The following SH3RF2 variants were observed in gnomAD, a reference collection of about 807,000 sequenced individuals.
SH3RF2 encodes E3 ubiquitin-protein ligase SH3RF2.
In SH3RF2, 43 loss-of-function variants were observed where a neutral mutation model predicts 59.0. The ratio of observed to expected loss-of-function variants is 0.73; its 90% confidence interval spans 0.57 to 0.94. SH3RF2 has a LOEUF of 0.94. Among genes scored for constraint, SH3RF2 ranks in the 40% least tolerant of loss-of-function variants. The pLI is 0.00. For synonymous variants in SH3RF2, 391 were observed against 391.5 expected, an observed-to-expected ratio of 1.00 and a Z score of 0.01; for missense variants, 930 against 940.1, an observed-to-expected ratio of 0.99 and a Z score of 0.14.
At chr5:145,961,613 C>T (rs1012143365) in intron 2 of SH3RF2, among the ~76,000 whole-genome samples, 14 of 152,282 alleles carry the variant, frequency 9.2e-5, no homozygotes, top group African/African-American at 1.4e-4. Flanking sequence ...TGTTCTATAA[C>T]CACAGTGGTG....
Position 145,967,903 on chromosome 5 carries a change from A to T in SH3RF2, c.378+29597A>T, listed in dbSNP as rs140084797. Among the ~76,000 whole-genome samples, 611 of 152,104 alleles carry T rather than the reference A, an allele frequency of 4.0e-3. 4 individuals carry two copies. Among genetic ancestry groups the T allele is most frequent in the African/African-American group, 0.014 (579 of 41,494 alleles). On this transcript the variant is annotated intron_variant, in intron 2 of 9. Transcript: ENST00000359120. ...TCAAACTCCTGACCTCAAGTGATCC[A>T]CCCACCTTGGCCTCCCAAAGTGCTG...
rs112701707 is a variant in SH3RF2 at position 146,024,494 on chromosome 5, A to G, written c.1059+10433A>G. Among the ~76,000 whole-genome samples the G allele has an allele frequency of 1.5e-3, 226 of 151,820 alleles. 5 individuals carry two copies. The highest frequency in any genetic ancestry group is 4.7e-3 in the African/African-American group (194 of 41,404). On this transcript the variant is annotated intron_variant, in intron 5 of 9. Coordinates refer to ENST00000359120, the MANE Select transcript of SH3RF2 (RefSeq NM_152550.4). ...TCCCGTATCAGTTATATGACTTGCA[A>G]TTTTTTCTTTCATTCTGCGTGTTGC... is the stretch of plus-strand genomic sequence containing the variant.
At chr5:146,077,016 A>T (rs1019198705) in intron 9 of SH3RF2, among the ~76,000 whole-genome samples, 1 of 152,188 alleles carries the variant, frequency 6.6e-6, no homozygotes, top group African/African-American at 2.4e-5. Flanking sequence ...GATGAAAGAA[A>T]ATTGGACAGG....
At chr5:146,069,635 A>G (rs1763187072) in intron 9 of SH3RF2, among the ~76,000 whole-genome samples, 1 of 152,282 alleles carries the variant, frequency 6.6e-6, no homozygotes, top group East Asian at 1.9e-4. Flanking sequence ...GTGCAGTGGC[A>G]CAATCTCGGC....
chr5:145,939,818 C>G (rs181384068), intron 2 of SH3RF2, among the ~76,000 whole-genome samples: 98 of 152,276 alleles, frequency 6.4e-4, no homozygotes, highest in Non-Finnish European at 1.2e-3. Context: ...GCAACCTCTT[C>G]CCTTCCCCAC....
In SH3RF2 at chr5:146,013,842, C is replaced by G; in HGVS notation, c.840C>G (p.Gly280=). Residue 280 remains glycine, a synonymous_variant, in exon 5 of 10, where the codon GGC becomes GGG. Transcript: ENST00000359120. Reference sequence around the variant, plus strand: ...CCCTGGTGTCCTCGTCCTCCAGAGGCAACACGTCTACCCTCCGTAGGGGCC... The same window carrying G: ...CCCTGGTGTCCTCGTCCTCCAGAGGGAACACGTCTACCCTCCGTAGGGGCC... ...NLSLVSSSSR[G]NTSTLRRGPG... 1 of 1,614,192 alleles carries G rather than the reference C, an allele frequency of 6.2e-7. No individual in the cohort carries two copies. The highest frequency in any genetic ancestry group is 8.5e-7 in the Non-Finnish European group (1 of 1,180,028).
chr5:146,036,058 A>T (rs1761927145), intron 5 of SH3RF2, among the ~76,000 whole-genome samples: 1 of 152,170 alleles, frequency 6.6e-6, no homozygotes, highest in Admixed American at 6.5e-5. Flanking sequence ...TGGTGAGAGG[A>T]TTTAACCATA....
chr5:145,978,685 GA>G (rs72055049), intron 2 of SH3RF2, among the ~76,000 whole-genome samples: 163 of 133,078 alleles, frequency 1.2e-3, no homozygotes, highest in East Asian at 2.6e-3. Flanking sequence ...TGGTTTTAAG[GA>G]AAAAAAAAAA....
chr5:146,075,467 G>C (rs1015192119), intron 9 of SH3RF2, among the ~76,000 whole-genome samples: 9 of 152,174 alleles, frequency 5.9e-5, no homozygotes, highest in African/African-American at 2.2e-4. Context: ...AATAAACCCA[G>C]GCAATCTGGC....
Position 145,959,080 on chromosome 5 carries a change from G to A in SH3RF2, c.378+20774G>A, listed in dbSNP as rs541378859. Among the ~76,000 whole-genome samples the A allele has an allele frequency of 2.6e-5, 4 of 152,248 alleles. No individual in the cohort carries two copies. The South Asian group carries it at 8.3e-4, about 32-fold the overall frequency. Reference sequence around the variant, plus strand: ...CACAGAATAAAACTAAGACAGCAATGAAAATGTCTCCAAAAGGTAACATGA... The same window carrying A: ...CACAGAATAAAACTAAGACAGCAATAAAAATGTCTCCAAAAGGTAACATGA... On this transcript the variant is annotated intron_variant, in intron 2 of 9. Transcript: ENST00000359120.
intron 2 of SH3RF2, among the ~76,000 whole-genome samples, chr5:145,986,002 C>CAAATAAATAAATAAATAAAT (rs5871949): frequency 4.2e-5 from 6 of 144,276 alleles, no homozygotes; most frequent in East Asian, 4.2e-4. Context: ...AGACTTGTCT[C>CAAATAAATAAATAAATAAAT]AAATAAATAA....
intron 5 of SH3RF2, among the ~76,000 whole-genome samples, chr5:146,041,317 T>C (rs1217640835): frequency 6.6e-6 from 1 of 152,158 alleles, no homozygotes; most frequent in Non-Finnish European, 1.5e-5. Flanking sequence ...CCCAACACGC[T>C]CAGGCTTACA....
chr5:145,938,952 A>G (rs1263941987), intron 2 of SH3RF2, among the ~76,000 whole-genome samples: 1 of 152,268 alleles, frequency 6.6e-6, no homozygotes, highest in Non-Finnish European at 1.5e-5. Context: ...TGCAAAATGA[A>G]TGAAATACAG....
Position 146,049,098 on chromosome 5 carries a change from C to T in SH3RF2, c.1175C>T (p.Ser392Leu). 1 of 1,614,130 alleles carries T rather than the reference C, an allele frequency of 6.2e-7. No individual in the cohort carries two copies. The highest frequency in any genetic ancestry group is 8.5e-7 in the Non-Finnish European group (1 of 1,180,000). ...AGGTTTGTAGCCCTGCACTCCTACT[C>T]AGCCCATGGACCCGATGAGCTGGAC... Reference protein sequence around the residue: ...ANMFVALHSYSAHGPDELDLQ... With the variant: ...ANMFVALHSYLAHGPDELDLQ... Residue 392 changes from serine to leucine, a missense_variant, in exon 7 of 10, where the codon TCA becomes TTA. Ser to Leu is a moderately radical substitution (Grantham distance 145). Coordinates refer to ENST00000359120, the MANE Select transcript of SH3RF2 (RefSeq NM_152550.4).
intron 2 of SH3RF2, among the ~76,000 whole-genome samples, chr5:145,995,778 CA>C (rs1760124252): frequency 1.3e-5 from 2 of 152,246 alleles, no homozygotes; most frequent in South Asian, 4.1e-4. Context: ...AGATAAAAAA[CA>C]TACATATGTA....
rs151117032 is a variant in SH3RF2 at position 145,942,053 on chromosome 5, A to T, written c.378+3747A>T. On this transcript the variant is annotated intron_variant, in intron 2 of 9. Transcript: ENST00000359120. ...CACATGATCCGTGGCCATGATTCAG[A>T]TGTGTGATTCTTCCCAGCATGTGCT... Among the ~76,000 whole-genome samples, 649 of 152,272 alleles carry T rather than the reference A, an allele frequency of 4.3e-3. 2 individuals carry two copies. Among genetic ancestry groups the T allele is most frequent in the Middle Eastern group, 0.01 (3 of 294 alleles).
chr5:146,044,627 T>G (rs531227281), intron 5 of SH3RF2, among the ~76,000 whole-genome samples: 1 of 152,288 alleles, frequency 6.6e-6, no homozygotes, highest in African/African-American at 2.4e-5. Flanking sequence ...TTCTCCAAAC[T>G]GTTTTTATCT....
chr5:146,060,871 T>G (rs1762863561), intron 9 of SH3RF2, among the ~76,000 whole-genome samples: 2 of 152,158 alleles, frequency 1.3e-5, no homozygotes, highest in African/African-American at 4.8e-5. Flanking sequence ...ACGTGAGAGT[T>G]TTTGTAAAAG....
At chr5:145,987,152 A>G (rs1245767517) in intron 2 of SH3RF2, among the ~76,000 whole-genome samples, 1 of 152,224 alleles carries the variant, frequency 6.6e-6, no homozygotes, top group Admixed American at 6.5e-5. Context: ...ACACTTGCTA[A>G]TATAGTCCAG....
Sources: gnomAD v4.1 joint callset for allele counts (sites outside exome capture counted in the v4.1 genomes callset) on GRCh38, gnomAD v4.1.1 for gene constraint, MANE v1.5 for transcripts, NCBI Gene and HGNC (gene_info 2026-07-23, HGNC 2026-07-21) for gene names.